The following VWC2 variants were observed in gnomAD, a reference collection of about 807,000 sequenced individuals.
VWC2 encodes the protein brorin.
In VWC2, 14 loss-of-function variants were observed where a neutral mutation model predicts 29.8. The observed-to-expected ratio is 0.47, with a 90% CI of 0.31 to 0.74. VWC2 has a LOEUF of 0.74. Among genes scored for constraint, VWC2 ranks in the 30% least tolerant of loss-of-function variants. VWC2 has a pLI of 0.05. For synonymous variants in VWC2, 213 were observed against 199.0 expected (o/e 1.07, Z -0.59); for missense variants, 457 against 459.8 (o/e 0.99, Z 0.05).
intron 3 of VWC2, among the ~76,000 whole-genome samples, chr7:49,846,327 T>G (rs1789945059): frequency 6.6e-6 from 1 of 152,108 alleles, no homozygotes. Context: ...CAAACATAGG[T>G]CTTTACCTGC....
chr7:49,833,527 T>C (rs973296207), intron 3 of VWC2, among the ~76,000 whole-genome samples: 2 of 152,118 alleles, frequency 1.3e-5, no homozygotes, highest in South Asian at 4.1e-4. Context: ...ATTTATGAGA[T>C]AAAGGAGCAA....
At chr7:49,780,548 T>G (rs930872553) in intron 2 of VWC2, among the ~76,000 whole-genome samples, 7 of 152,350 alleles carry the variant, frequency 4.6e-5, no homozygotes, top group Non-Finnish European at 8.8e-5. Flanking sequence ...TTATAAAACC[T>G]AATGGAATTT....
chr7:49,776,411 A>T (rs1360857892), intron 2 of VWC2, among the ~76,000 whole-genome samples: 1 of 152,344 alleles, frequency 6.6e-6, no homozygotes, highest in African/African-American at 2.4e-5. Context: ...CCCAACAGGT[A>T]TCGGAGGGAC....
chr7:49,868,246 T>C (rs983164148), intron 3 of VWC2, among the ~76,000 whole-genome samples: 1 of 152,222 alleles, frequency 6.6e-6, no homozygotes, highest in South Asian at 2.1e-4. Context: ...TCCTAAGAAC[T>C]TGGAATAATT....
intron 3 of VWC2, among the ~76,000 whole-genome samples, chr7:49,891,468 G>A (rs1163660837): frequency 2.6e-5 from 4 of 152,108 alleles, no homozygotes; most frequent in Non-Finnish European, 5.9e-5. Context: ...ATAAGGACTT[G>A]ACAACCAGTA....
chr7:49,851,656 G>A (rs1245123030), intron 3 of VWC2, among the ~76,000 whole-genome samples: 2 of 152,108 alleles, frequency 1.3e-5, no homozygotes, highest in African/African-American at 4.8e-5. Context: ...TCAGGAGATC[G>A]AGACCACCCT....
chr7:49,839,207 C>T (rs1454632606), intron 3 of VWC2, among the ~76,000 whole-genome samples: 1 of 152,166 alleles, frequency 6.6e-6, no homozygotes, highest in African/African-American at 2.4e-5. Flanking sequence ...GTGAGAAATA[C>T]ATTTCTGTTA....
chr7:49,904,077 A>G lies in VWC2; in HGVS notation c.827-7957A>G, dbSNP rs372250497. Among the ~76,000 whole-genome samples the G allele has an allele frequency of 3.6e-4, 55 of 152,122 alleles. No homozygotes were observed. In the South Asian group the frequency reaches 4.6e-3, roughly 13 times the overall value. Reference sequence around the variant, plus strand: ...ATCTTATCTGCTCCTTACTATACACATGGCTGGCAGAGAAGGGAAGATGGA... The same window carrying G: ...ATCTTATCTGCTCCTTACTATACACGTGGCTGGCAGAGAAGGGAAGATGGA... On this transcript the variant is annotated intron_variant, in intron 3 of 3. Transcript: ENST00000340652.
chr7:49,900,148 T>C (rs1186127412), intron 3 of VWC2, among the ~76,000 whole-genome samples: 1 of 151,680 alleles, frequency 6.6e-6, no homozygotes, highest in East Asian at 1.9e-4. Context: ...TTAAACTAAA[T>C]AAAAATATAT....
At chr7:49,831,410 G>A (rs183361411) in intron 3 of VWC2, among the ~76,000 whole-genome samples, 7 of 152,262 alleles carry the variant, frequency 4.6e-5, no homozygotes, top group African/African-American at 9.6e-5. Context: ...TGTAACAAAC[G>A]TATTTACTAA....
chr7:49,858,672 T>C (rs889946859), intron 3 of VWC2, among the ~76,000 whole-genome samples: 6 of 151,934 alleles, frequency 3.9e-5, no homozygotes, highest in Non-Finnish European at 5.9e-5. Flanking sequence ...ACCTGCGTTG[T>C]GCACATGTAC....
intron 3 of VWC2, among the ~76,000 whole-genome samples, chr7:49,889,104 T>G (rs993292177): frequency 5.9e-5 from 9 of 152,318 alleles, no homozygotes; most frequent in African/African-American, 2.2e-4. Flanking sequence ...GGAATGCTCA[T>G]CTTTTGTTTC....
At chr7:49,801,643 C>T (rs959454027) in intron 2 of VWC2, among the ~76,000 whole-genome samples, 2 of 152,322 alleles carry the variant, frequency 1.3e-5, no homozygotes, top group Non-Finnish European at 2.9e-5. Flanking sequence ...TGGTTTCTAA[C>T]AGAGCATCGT....
At chr7:49,893,320 T>C (rs963448803) in intron 3 of VWC2, among the ~76,000 whole-genome samples, 1 of 152,214 alleles carries the variant, frequency 6.6e-6, no homozygotes, top group East Asian at 1.9e-4. Context: ...GAAGGGCTCC[T>C]ATTCCTGCAT....
At chr7:49,893,449 T>C (rs1322145065) in intron 3 of VWC2, among the ~76,000 whole-genome samples, 1 of 152,234 alleles carries the variant, frequency 6.6e-6, no homozygotes, top group Admixed American at 6.5e-5. Flanking sequence ...AATTTGATTT[T>C]TTTCGTGCTT....
At chr7:49,811,961 TA>T (rs2082617720) in intron 3 of VWC2, among the ~76,000 whole-genome samples, 1 of 152,196 alleles carries the variant, frequency 6.6e-6, no homozygotes, top group African/African-American at 2.4e-5. Context: ...TACACAAATG[TA>T]GTATATCCAT....
chr7:49,786,198 A>G lies in VWC2; in HGVS notation c.696+10067A>G, dbSNP rs576026318. Among the ~76,000 whole-genome samples the G allele has an allele frequency of 2.6e-5, 4 of 152,230 alleles. No individual in the cohort carries two copies. In the East Asian group the frequency reaches 7.7e-4, roughly 29 times the overall value. Reference sequence around the variant, plus strand: ...CCATCTTTGTGTACATAAGTGCCCAATGTTTAGCTTCCACTTATAAATGAA... The same window carrying G: ...CCATCTTTGTGTACATAAGTGCCCAGTGTTTAGCTTCCACTTATAAATGAA... On this transcript the variant is annotated intron_variant, in intron 2 of 3. Transcript: ENST00000340652.
rs1357972336 is a variant in VWC2, at chr7:49,917,647, A to G, written c.*5462A>G. The G allele has an allele frequency of 6.6e-6, 1 of 152,178 alleles. No individual in the cohort carries two copies. Among genetic ancestry groups the G allele is most frequent in the African/African-American group, 2.4e-5 (1 of 41,460 alleles). 9.4% of individuals were successfully genotyped at this position (152,178 alleles called of 1,614,324 possible). A position where few individuals can be genotyped will look rare whatever the true frequency, so the allele number is the denominator to read the frequency against. On this transcript the variant is annotated 3_prime_UTR_variant, in exon 4 of 4. Transcript: ENST00000340652. ...GCAAATATTGCGACTTTAGTTTTTA[A>G]TTCAATTTTCAGCAAGTAGAAATAT...
chr7:49,831,006 A>G (rs1039886150), intron 3 of VWC2, among the ~76,000 whole-genome samples: 12 of 152,086 alleles, frequency 7.9e-5, no homozygotes, highest in Admixed American at 3.9e-4. Context: ...TACCTTCTGG[A>G]AAGTTTGTTA....
Sources: allele counts gnomAD v4.1 joint callset (sites outside exome capture counted in the v4.1 genomes callset), GRCh38; gene constraint gnomAD v4.1.1; transcripts MANE v1.5; gene names NCBI Gene and HGNC (gene_info 2026-07-23, HGNC 2026-07-21).